The following TCF4 variants were observed in gnomAD, a reference collection of about 807,000 sequenced individuals.
TCF4 encodes the protein SL3-3 enhancer factor 2.
In TCF4, 3 loss-of-function variants were observed where a neutral mutation model predicts 82.1. The ratio of observed to expected loss-of-function variants is 0.04; its 90% CI spans 0.02 to 0.09. TCF4 has a LOEUF of 0.09. Among genes scored for constraint, TCF4 ranks in the 10% least tolerant of loss-of-function variants. The probability of loss-of-function intolerance (pLI) is 1.00; values close to 1 mark genes in which losing one functional copy is unlikely to be tolerated. For missense variants in TCF4, 518 were observed against 852.7 expected, an observed-to-expected ratio of 0.61 and a Z score of 4.89; for synonymous variants, 276 against 309.6, an observed-to-expected ratio of 0.89 and a Z score of 1.14.
At chr18:55,607,773 G>A (rs1240037079) in intron 2 of TCF4, among the ~76,000 whole-genome samples, 1 of 152,204 alleles carries the variant, frequency 6.6e-6, no homozygotes, top group Non-Finnish European at 1.5e-5. Context: ...GATTTAAAAT[G>A]TGCTAATTCC....
chr18:55,303,267 A>C (rs1309108177), intron 8 of TCF4, among the ~76,000 whole-genome samples: 17 of 142,092 alleles, frequency 1.2e-4, no homozygotes, highest in Non-Finnish European at 2.0e-4. Flanking sequence ...ACACACACAC[A>C]CCCCTACACA....
chr18:55,426,529 C>A (rs1439104746), intron 5 of TCF4, among the ~76,000 whole-genome samples: 1 of 152,176 alleles, frequency 6.6e-6, no homozygotes, highest in African/African-American at 2.4e-5. Context: ...CCTGGTACCT[C>A]ATTTCATCCT....
At chr18:55,521,996 G>A (rs536198063) in intron 3 of TCF4, among the ~76,000 whole-genome samples, 27 of 152,274 alleles carry the variant, frequency 1.8e-4, no homozygotes, top group African/African-American at 5.5e-4. Flanking sequence ...ACAGGGAAGC[G>A]GTTGGGTTTC....
At chr18:55,472,232 G>C (rs1002929481) in intron 3 of TCF4, among the ~76,000 whole-genome samples, 13 of 152,174 alleles carry the variant, frequency 8.5e-5, no homozygotes, top group Admixed American at 2.0e-4. Context: ...AATGAAGTGG[G>C]TAACTGTTAT....
intron 3 of TCF4, among the ~76,000 whole-genome samples, chr18:55,562,274 T>C (rs1316357188): frequency 6.6e-6 from 1 of 152,232 alleles, no homozygotes; most frequent in Non-Finnish European, 1.5e-5. Context: ...GAAACATGTT[T>C]ATTCTCTAGT....
intron 8 of TCF4, chr18:55,284,227 A>G (rs1038707699): frequency 1.3e-5 from 2 of 152,126 alleles, no homozygotes; most frequent in Non-Finnish European, 2.9e-5. Context: ...CCTGGCCAAC[A>G]TGGTGAAACC....
chr18:55,278,693 C>A (rs144590018), intron 9 of TCF4, among the ~76,000 whole-genome samples: 2 of 152,108 alleles, frequency 1.3e-5, no homozygotes, highest in Non-Finnish European at 2.9e-5. Context: ...CTCAGCCTCC[C>A]GAGTAGCTGG....
chr18:55,632,427 CA>C (rs2097732497), intron 1 of TCF4, among the ~76,000 whole-genome samples: 1 of 152,142 alleles, frequency 6.6e-6, no homozygotes, highest in African/African-American at 2.4e-5. Flanking sequence ...AGACAAGAAT[CA>C]AAAGGCAATA....
chr18:55,264,004 T>A (rs867790665), intron 11 of TCF4, among the ~76,000 whole-genome samples: 9 of 152,134 alleles, frequency 5.9e-5, no homozygotes, highest in Middle Eastern at 3.4e-3. Context: ...TTACAAATAA[T>A]ATATATATTT....
At chr18:55,439,258 G>C (rs1469078924) in intron 5 of TCF4, among the ~76,000 whole-genome samples, 2 of 152,280 alleles carry the variant, frequency 1.3e-5, no homozygotes, top group East Asian at 3.9e-4. Context: ...GGATGGAGGA[G>C]AGCTTGGGAA....
intron 3 of TCF4, among the ~76,000 whole-genome samples, chr18:55,525,942 T>G (rs1478800094): frequency 6.6e-6 from 1 of 152,222 alleles, no homozygotes; most frequent in Non-Finnish European, 1.5e-5. Context: ...AAACACACTT[T>G]CTTGAAGATA....
intron 17 of TCF4, 67 bp downstream of exon 17, chr18:55,232,442 C>T (rs1439298884): frequency 3.0e-5 from 48 of 1,581,296 alleles, no homozygotes; most frequent in South Asian, 1.2e-4. Flanking sequence ...AGTTTCTTCC[C>T]GTTCTGTTCA....
intron 8 of TCF4, among the ~76,000 whole-genome samples, chr18:55,319,852 T>A (rs1488940248): frequency 1.3e-5 from 2 of 152,140 alleles, no homozygotes; most frequent in Non-Finnish European, 2.9e-5. Flanking sequence ...GGTACAAAAC[T>A]TAAATTAAAA....
At chr18:55,356,072 T>C (rs2083443124) in intron 6 of TCF4, among the ~76,000 whole-genome samples, 1 of 152,122 alleles carries the variant, frequency 6.6e-6, no homozygotes, top group African/African-American at 2.4e-5. Flanking sequence ...CATAGGGTTA[T>C]CAGGAATAGA....
chr18:55,479,358 C>T (rs1270487844), intron 3 of TCF4: 1 of 154,166 alleles, frequency 6.5e-6, no homozygotes, highest in Non-Finnish European at 1.5e-5. Context: ...TATCAAATAC[C>T]CAATACCTCT....
rs117108604 is a variant in TCF4, at chr18:55,527,182, C to T, written c.145+58098G>A. Among the ~76,000 whole-genome samples the T allele has an allele frequency of 6.2e-3, 949 of 152,280 alleles. 10 individuals are homozygous for T. Among genetic ancestry groups the T allele is most frequent in the South Asian group, 9.5e-3 (46 of 4,830 alleles). On this transcript the variant is annotated intron_variant, in intron 3 of 19. Transcript: ENST00000354452. ...ACCACAAAGGTCCCCTCACTCTAGCCCGCATCCTTAAGGCAACACTGACCC... is the reference window on the plus strand; with the variant it reads ...ACCACAAAGGTCCCCTCACTCTAGCTCGCATCCTTAAGGCAACACTGACCC...
At chr18:55,635,090 A>G (rs7236100) in intron 1 of TCF4, among the ~76,000 whole-genome samples, 49,727 of 152,012 alleles carry the variant, frequency 0.33, 8,555 homozygotes, top group East Asian at 0.48. Context: ...TTGGAGAGAA[A>G]GAGGAACCAT....
intron 3 of TCF4, among the ~76,000 whole-genome samples, chr18:55,491,773 C>A (rs955080200): frequency 1.3e-5 from 2 of 152,194 alleles, no homozygotes; most frequent in African/African-American, 4.8e-5. Flanking sequence ...TTTGATGAAT[C>A]TGTTCCTAGG....
intron 3 of TCF4, among the ~76,000 whole-genome samples, chr18:55,568,237 GA>G (rs1180318880): frequency 3.4e-5 from 5 of 148,740 alleles, no homozygotes; most frequent in African/African-American, 1.2e-4. Context: ...AAAAATTAAT[GA>G]AGTAGAAAAC....
Sources: gnomAD v4.1 joint callset for allele counts (sites outside exome capture counted in the v4.1 genomes callset) on GRCh38, gnomAD v4.1.1 for gene constraint, MANE v1.5 for transcripts, NCBI Gene and HGNC (gene_info 2026-07-23, HGNC 2026-07-21) for gene names.